AATK: variants seen among roughly 807,000 people sequenced by gnomAD.
AATK encodes the protein lemur tail kinase 1.
Under a neutral mutation model 114.3 loss-of-function variants are expected in AATK, and 91 were observed. The observed-to-expected ratio is 0.80, with a 90% CI of 0.67 to 0.95. AATK has a LOEUF of 0.95. Ranked by LOEUF, AATK falls within the 40% of genes least tolerant of loss-of-function variation. The pLI, the probability that AATK is intolerant of heterozygous loss-of-function variation, is 0.00. For missense variants in AATK, 2,176 were observed against 1,965.2 expected (o/e 1.11, Z -2.03); for synonymous variants, 1,075 against 916.5 (o/e 1.17, Z -3.12).
chr17:81,119,348 G>A (rs1373785076), intron 13 of AATK, 32 bp downstream of exon 13: 2 of 1,537,534 alleles, frequency 1.3e-6, no homozygotes, highest in African/African-American at 1.5e-5. Context: ...CCTCCCGCGT[G>A]CCCTTCTGCC....
chr17:81,128,132 TC>T (rs1354439870), intron 4 of AATK, among the ~76,000 whole-genome samples: 1 of 138,128 alleles, frequency 7.2e-6, no homozygotes, highest in African/African-American at 2.9e-5. Context: ...CCCCACAAGG[TC>T]CCCCGCTGCC....
intron 13 of AATK, 129 bp from the exon 14 acceptor site, chr17:81,118,571 T>A: frequency 1.1e-6 from 1 of 926,228 alleles, no homozygotes. Context: ...CAGATCTGGC[T>A]GTGTCTAGGT....
chr17:81,158,712 G>A (rs746908888), intron 1 of AATK, among the ~76,000 whole-genome samples: 18 of 152,236 alleles, frequency 1.2e-4, no homozygotes, highest in Non-Finnish European at 2.2e-4. Context: ...GCAGGACCTG[G>A]AAAGGCTCCT....
In AATK at chr17:81,152,073, G is replaced by A. The variant is rs1158897549; in HGVS notation, c.55+13865C>T. Among the ~76,000 whole-genome samples the A allele has an allele frequency of 4.6e-5, 7 of 151,940 alleles. No individual in the cohort carries two copies. The East Asian group carries it at 5.8e-4, about 13-fold the overall frequency. On this transcript the variant is annotated intron_variant, in intron 1 of 13. Coordinates refer to ENST00000326724, the MANE Select transcript of AATK (RefSeq NM_001080395.3). Reference sequence around the variant, plus strand: ...GCGGATCACTTGAGGTCGGAAGTTCGAGACCAGCCTGGCCAACATGGTGAA... The same window carrying A: ...GCGGATCACTTGAGGTCGGAAGTTCAAGACCAGCCTGGCCAACATGGTGAA...
chr17:81,145,234 C>CAAAAAAAAAAAAAAAA (rs761538299), intron 1 of AATK, among the ~76,000 whole-genome samples: 2 of 121,128 alleles, frequency 1.7e-5, no homozygotes, highest in East Asian at 2.6e-4. Flanking sequence ...GAGACTCCAT[C>CAAAAAAAAAAAAAAAA]AAAAAAAAAA....
At chr17:81,139,969 G>T (rs2061098422) in intron 1 of AATK, among the ~76,000 whole-genome samples, 1 of 152,184 alleles carries the variant, frequency 6.6e-6, no homozygotes, top group South Asian at 2.1e-4. Context: ...CACCAGCCTT[G>T]TCCACTGGCC....
At chr17:81,142,763 GGACCCAGC>G (rs891385922) in intron 1 of AATK, among the ~76,000 whole-genome samples, 5 of 152,134 alleles carry the variant, frequency 3.3e-5, no homozygotes, top group African/African-American at 1.2e-4. Flanking sequence ...TGAGCAGTAA[GGACCCAGC>G]CCCACCCCCG....
intron 13 of AATK, 137 bp downstream of exon 13, chr17:81,119,243 A>C: frequency 4.6e-6 from 1 of 215,664 alleles, no homozygotes; most frequent in Non-Finnish European, 6.9e-6. Context: ...GCCGGGAAGG[A>C]GCGGGGCCGG....
chr17:81,141,524 A>T (rs1433367209), intron 1 of AATK, among the ~76,000 whole-genome samples: 2 of 151,992 alleles, frequency 1.3e-5, no homozygotes, highest in African/African-American at 4.8e-5. Context: ...TGAAATCTGT[A>T]ATCAGTGGCC....
Position 81,134,285 on chromosome 17 carries a change from A to G in AATK, c.189+83T>C, listed in dbSNP as rs1455863032. On this transcript the variant is annotated intron_variant, in intron 2 of 13. Transcript: ENST00000326724. ...AGCAGCCACCTTGATGGCCCCAGGA[A>G]GGAGGGAAGCTCAGGGTCAAGTGGA... 7 of 1,550,390 alleles carry G rather than the reference A, an allele frequency of 4.5e-6. No individual in the cohort carries two copies. In the Admixed American group the frequency reaches 1.1e-4, roughly 25 times the overall value.
chr17:81,131,901 C>T (rs1280108262), intron 2 of AATK: 2 of 1,335,444 alleles, frequency 1.5e-6, no homozygotes, highest in Non-Finnish European at 9.9e-7. Flanking sequence ...GGGCAGCCCA[C>T]CTGCCACCGC....
chr17:81,120,845 C>T lies in AATK; in HGVS notation c.3091G>A (p.Gly1031Arg). The T allele has an allele frequency of 6.3e-7, 1 of 1,579,186 alleles. No homozygotes were observed. The highest frequency in any genetic ancestry group is 8.6e-7 in the Non-Finnish European group (1 of 1,162,832). ...AGACAGACCTGCTCAGACGGCTGCC[C>T]AGTGCTCGGCAGGCCCAGCTCTGGC... ...PGPELGLPST[G>R]QPSEQVCLRP... Residue 1031 changes from glycine to arginine, a missense_variant, in exon 11 of 14, where the codon GGG becomes AGG. Physicochemically the swap from Gly to Arg is moderately radical, Grantham distance 125. Coordinates refer to ENST00000326724, the MANE Select transcript of AATK (RefSeq NM_001080395.3).
chr17:81,163,759 G>A (rs1286699222), intron 1 of AATK, among the ~76,000 whole-genome samples: 2 of 152,358 alleles, frequency 1.3e-5, no homozygotes, highest in Non-Finnish European at 2.9e-5. Flanking sequence ...TGCACTATCG[G>A]GCGTCTCTGC....
At chr17:81,157,337 C>A (rs548608326) in intron 1 of AATK, among the ~76,000 whole-genome samples, 1 of 152,240 alleles carries the variant, frequency 6.6e-6, no homozygotes, top group East Asian at 1.9e-4. Flanking sequence ...CCCATGCACA[C>A]GCTCGCCTCC....
intron 1 of AATK, among the ~76,000 whole-genome samples, chr17:81,146,188 T>TA (rs34197372): frequency 0.39 from 48,965 of 124,428 alleles, 9,943 homozygotes; most frequent in East Asian, 0.63. Flanking sequence ...GACTCCATAT[T>TA]AAAAAAAAAA....
At position 81,120,183 on chromosome 17, in the gene AATK, C is replaced by T. The variant is rs557107438; in HGVS notation, c.3735+18G>A. The T allele has an allele frequency of 1.9e-6, 3 of 1,551,346 alleles. No homozygotes were observed. The highest frequency in any genetic ancestry group is 1.4e-5 in the African/African-American group (1 of 73,054). On this transcript the variant is annotated intron_variant, in intron 11 of 13. Transcript: ENST00000326724. ...GCGACCCCCAGCCCCGGGCAGACCC[C>T]GGGTGGCGGCGGCCCACCTGGTCAA... is the stretch of plus-strand genomic sequence containing the variant.
chr17:81,165,082 G>A (rs1264575928), intron 1 of AATK, among the ~76,000 whole-genome samples: 1 of 152,260 alleles, frequency 6.6e-6, no homozygotes, highest in Non-Finnish European at 1.5e-5. Context: ...ACGTGTGGGT[G>A]GGACTTGGCC....
chr17:81,118,312 G>A lies in AATK; in HGVS notation c.*90C>T, dbSNP rs530635913. The A allele has an allele frequency of 1.1e-3, 1,528 of 1,381,004 alleles. 21 individuals carry two copies. The South Asian group carries it at 0.018, about 16-fold the overall frequency. 85.5% of individuals were successfully genotyped at this position (1,381,004 alleles called of 1,614,324 possible). On this transcript the variant is annotated 3_prime_UTR_variant, in exon 14 of 14. Coordinates refer to ENST00000326724, the MANE Select transcript of AATK (RefSeq NM_001080395.3). Reference sequence around the variant, plus strand: ...ATCTGCTGCCAACAGCCACCAGGACGTGGTCCCCACCTTCTCGGTCACCAT... The same window carrying A: ...ATCTGCTGCCAACAGCCACCAGGACATGGTCCCCACCTTCTCGGTCACCAT...
Position 81,121,401 on chromosome 17 carries a change from A to C in AATK, c.2535T>G (p.Asn845Lys). The C allele has an allele frequency of 1.2e-6, 2 of 1,608,760 alleles. No individual in the cohort carries two copies. Among genetic ancestry groups the C allele is most frequent in the Non-Finnish European group, 1.7e-6 (2 of 1,178,522 alleles). The change falls in exon 11 of 14, where the codon AAT becomes AAG. Residue 845 changes from asparagine (N) to lysine (K), a missense_variant. Asn to Lys is a moderately conservative substitution (Grantham distance 94). Around this residue, in one of 4 missense-constraint regions of AATK, gnomAD observed 1,701 missense variants for 1,394.7 expected, o/e 1.22. Transcript: ENST00000326724. ...CCACCTCGGGAGAGCTGCTGCTGCC[A>C]TTCAGGGCAGAAGCCAGCTTGATGG... ...VSAIKLASAL[N>K]GSSSSPEVEA...
Sources: allele counts gnomAD v4.1 joint callset (sites outside exome capture counted in the v4.1 genomes callset), GRCh38; gene constraint gnomAD v4.1.1; regional missense constraint gnomAD v4.1.1; transcripts MANE v1.5; gene names NCBI Gene and HGNC (gene_info 2026-07-23, HGNC 2026-07-21).